The following SLC22A14 variants were observed in gnomAD, a reference collection of about 807,000 sequenced individuals.
SLC22A14 encodes the protein solute carrier family 22 member 14.
A neutral mutation model predicts 53.9 loss-of-function variants in SLC22A14; 50 were observed. The observed-to-expected ratio is 0.93, with a 90% confidence interval of 0.74 to 1.17. The LOEUF (loss-of-function observed/expected upper bound fraction) is 1.17, where lower values mean the gene tolerates loss of function less well. Ranked by LOEUF, SLC22A14 falls within the 50% of genes most tolerant of loss-of-function variation. The probability of loss-of-function intolerance (pLI) is 0.00; values close to 1 mark genes in which losing one functional copy is unlikely to be tolerated. For synonymous variants in SLC22A14, 312 were observed against 303.0 expected, an observed-to-expected ratio of 1.03 and a Z score of -0.31; for missense variants, 671 against 734.7, an observed-to-expected ratio of 0.91 and a Z score of 1.00.
At chr3:38,313,622 T>C in intron 7 of SLC22A14, 105 bp from the exon 8 acceptor site, 1 of 917,156 alleles carries the variant, frequency 1.1e-6, no homozygotes, top group South Asian at 1.4e-5. Flanking sequence ...CTTATTTCTC[T>C]CCTCCGTTCC....
At chr3:38,296,404 G>A (rs182582031) in intron 1 of SLC22A14, among the ~76,000 whole-genome samples, 12 of 150,776 alleles carry the variant, frequency 8.0e-5, no homozygotes, top group East Asian at 2.0e-4. Flanking sequence ...TCTTAAGTCC[G>A]GCAGCCATGC....
rs535224951 is a variant in SLC22A14, at chr3:38,305,626, C to T, written c.1-401C>T. ...GGGCCCACCTCCTGGCTACAGCCGACGATGCAGATCTTTGTTTGTTTTTGA... is the reference window on the plus strand; with the variant it reads ...GGGCCCACCTCCTGGCTACAGCCGATGATGCAGATCTTTGTTTGTTTTTGA... On this transcript the variant is annotated intron_variant, in intron 1 of 10. Transcript: ENST00000448498. 4.1e-5 allele frequency: 7 copies of T among 171,880 alleles called. No individual in the cohort carries two copies. The South Asian group carries it at 4.4e-4, about 11-fold the overall frequency. 10.6% of individuals were successfully genotyped at this position (171,880 alleles called of 1,614,324 possible). A position where few individuals can be genotyped will look rare whatever the true frequency, so the allele number is the denominator to read the frequency against.
At chr3:38,291,684 C>T (rs897569181) in intron 1 of SLC22A14, among the ~76,000 whole-genome samples, 2 of 152,184 alleles carry the variant, frequency 1.3e-5, no homozygotes, top group Middle Eastern at 3.2e-3. Context: ...ACTCCTAGAA[C>T]TATTCCTGTT....
At chr3:38,284,498 G>A (rs886775215) in intron 1 of SLC22A14, among the ~76,000 whole-genome samples, 1 of 152,338 alleles carries the variant, frequency 6.6e-6, no homozygotes, top group Admixed American at 6.5e-5. Flanking sequence ...GCCAAGGCCC[G>A]TCCTCTAAAG....
chr3:38,294,603 A>T (rs1703986348), intron 1 of SLC22A14, among the ~76,000 whole-genome samples: 1 of 152,068 alleles, frequency 6.6e-6, no homozygotes, highest in Non-Finnish European at 1.5e-5. Flanking sequence ...TTTTCTGATG[A>T]GCATTAGTCC....
In SLC22A14 at chr3:38,307,733, C is replaced by T. The variant is rs780991631; in HGVS notation, c.775+13C>T. 3 of 1,613,606 alleles carry T rather than the reference C, an allele frequency of 1.9e-6. No individual in the cohort carries two copies. Among genetic ancestry groups the T allele is most frequent in the South Asian group, 1.1e-5 (1 of 91,030 alleles). Reference sequence around the variant, plus strand: ...AGCATTTCTTTGGGTGAGACTGGGCCTCAATGGGGCAGGGCAGGGTGGCAC... The same window carrying T: ...AGCATTTCTTTGGGTGAGACTGGGCTTCAATGGGGCAGGGCAGGGTGGCAC... On this transcript the variant is annotated intron_variant, in intron 4 of 10. Transcript: ENST00000448498. The surrounding 1 kb of genome is among the most constrained non-coding windows in gnomAD (Gnocchi z 4.4).
chr3:38,313,385 T>TAGTTGC lies in SLC22A14; in HGVS notation c.1066-1_1066insTTGCAG. ...CCTCTGACTGGTCCTGCTTGTTCTG[T>TAGTTGC]AGCTGCAGCTGCCCAGAAAGAAGGT... is the stretch of plus-strand genomic sequence containing the variant. On this transcript the variant is annotated splice_region_variant and splice_polypyrimidine_tract_variant and intron_variant, in intron 6 of 10. Coordinates refer to ENST00000448498, the MANE Select transcript of SLC22A14 (RefSeq NM_001320033.2). The TAGTTGC allele has an allele frequency of 6.2e-7, 1 of 1,610,904 alleles. No individual in the cohort carries two copies. Among genetic ancestry groups the TAGTTGC allele is most frequent in the South Asian group, 1.1e-5 (1 of 91,012 alleles).
Position 38,306,208 on chromosome 3 carries a change from AG to A in SLC22A14, c.183del (p.Glu61AspfsTer9). ...KFANLLDAVG[E>X]FGTFQQRLVA... is the part of the protein sequence containing the mutation. ...GCCAACCTCCTGGATGCGGTGGGGG[AG>A]TTTGGCACATTCCAGCAGAGGCTAG... On this transcript the variant is annotated frameshift_variant, in exon 2 of 11. Transcript: ENST00000448498. LOFTEE classifies it high-confidence loss of function. 1 of 1,614,104 alleles carries A rather than the reference AG, an allele frequency of 6.2e-7. No individual in the cohort carries two copies. The highest frequency in any genetic ancestry group is 8.5e-7 in the Non-Finnish European group (1 of 1,180,002).
intron 10 of SLC22A14, among the ~76,000 whole-genome samples, chr3:38,316,750 T>G (rs1004317365): frequency 2.0e-5 from 3 of 152,240 alleles, no homozygotes; most frequent in African/African-American, 7.2e-5. Flanking sequence ...TGACCCGGAC[T>G]GGGCCATGTC....
chr3:38,294,151 T>C (rs1703973469), intron 1 of SLC22A14, among the ~76,000 whole-genome samples: 1 of 151,582 alleles, frequency 6.6e-6, no homozygotes, highest in African/African-American at 2.4e-5. Context: ...TTTACCCCTT[T>C]GTTTATCTCC....
At chr3:38,301,046 T>C (rs1250259318) in intron 1 of SLC22A14, among the ~76,000 whole-genome samples, 1 of 152,156 alleles carries the variant, frequency 6.6e-6, no homozygotes, top group Non-Finnish European at 1.5e-5. Context: ...CTTGAACTCC[T>C]GGCCTCAGGC....
chr3:38,289,426 AG>A (rs1407600910), intron 1 of SLC22A14, among the ~76,000 whole-genome samples: 1 of 152,070 alleles, frequency 6.6e-6, no homozygotes, highest in African/African-American at 2.4e-5. Flanking sequence ...GTTGTTACCC[AG>A]GGGGTCCTTG....
Position 38,315,714 on chromosome 3 carries a change from A to G in SLC22A14, c.1532+3A>G, listed in dbSNP as rs150983302. ...GAGCTCCTCCCCACTGTGCTCAGGTATGGGGTCTGGTGGGCGAGGGGGCCA... is the reference window on the plus strand; with the variant it reads ...GAGCTCCTCCCCACTGTGCTCAGGTGTGGGGTCTGGTGGGCGAGGGGGCCA... On this transcript the variant is annotated splice_donor_region_variant and intron_variant, in intron 9 of 10. Coordinates refer to ENST00000448498, the MANE Select transcript of SLC22A14 (RefSeq NM_001320033.2). The G allele has an allele frequency of 1.8e-4, 297 of 1,612,512 alleles. 2 individuals carry two copies. In the African/African-American group the frequency reaches 3.0e-3, roughly 16 times the overall value.
At chr3:38,290,587 C>T (rs1012396862) in intron 1 of SLC22A14, among the ~76,000 whole-genome samples, 7 of 152,178 alleles carry the variant, frequency 4.6e-5, no homozygotes, top group African/African-American at 1.4e-4. Flanking sequence ...ATTTGGCCAT[C>T]TGATGGGTGC....
Position 38,307,712 on chromosome 3 carries a change from T to C in SLC22A14, c.767T>C (p.Ile256Thr). The change falls in exon 4 of 11, where the codon ATT (isoleucine) becomes ACT (threonine). Residue 256 changes from isoleucine (I) to threonine (T), a missense_variant. Ile to Thr is a moderately conservative substitution (Grantham distance 89, BLOSUM62 -1). Coordinates refer to ENST00000448498, the MANE Select transcript of SLC22A14 (RefSeq NM_001320033.2). The surrounding 1 kb of genome is among the most constrained non-coding windows in gnomAD (Gnocchi z 4.4). ...QSVVGYAISS[I>T]SLATEWLVGE... ...GTGGTGGGCTACGCCATCAGCAGCA[T>C]TTCTTTGGGTGAGACTGGGCCTCAA... The C allele has an allele frequency of 6.2e-7, 1 of 1,614,052 alleles. No individual in the cohort carries two copies. Among genetic ancestry groups the C allele is most frequent in the South Asian group, 1.1e-5 (1 of 91,076 alleles).
chr3:38,300,554 T>C (rs1046125896), intron 1 of SLC22A14, among the ~76,000 whole-genome samples: 4 of 152,178 alleles, frequency 2.6e-5, no homozygotes, highest in African/African-American at 9.7e-5. Context: ...CTGGGTACCA[T>C]CTTTCCATCT....
At chr3:38,306,896 G>A (rs936401699) in intron 2 of SLC22A14, among the ~76,000 whole-genome samples, 1 of 152,212 alleles carries the variant, frequency 6.6e-6, no homozygotes, top group South Asian at 2.1e-4. Context: ...AACCCGAGCT[G>A]CAATCTAGGC....
intron 1 of SLC22A14, among the ~76,000 whole-genome samples, chr3:38,292,312 C>G (rs1703930091): frequency 6.6e-6 from 1 of 152,120 alleles, no homozygotes; most frequent in Non-Finnish European, 1.5e-5. Context: ...CAAAGGCAAA[C>G]AAGAATTGAG....
chr3:38,315,729 C>G lies in SLC22A14; in HGVS notation c.1532+18C>G, dbSNP rs368692316. On this transcript the variant is annotated intron_variant, in intron 9 of 10. Coordinates refer to ENST00000448498, the MANE Select transcript of SLC22A14 (RefSeq NM_001320033.2). ...GTGCTCAGGTATGGGGTCTGGTGGG[C>G]GAGGGGGCCATGGGGACATGCGCAG... 22 of 1,607,332 alleles carry G rather than the reference C, an allele frequency of 1.4e-5. No individual in the cohort carries two copies. Among genetic ancestry groups the G allele is most frequent in the Admixed American group, 5.0e-5 (3 of 59,686 alleles).
Sources: gnomAD v4.1 joint callset for allele counts (sites outside exome capture counted in the v4.1 genomes callset) on GRCh38, gnomAD v4.1.1 for gene constraint, Gnocchi (gnomAD v3.1) non-coding constraint, MANE v1.5 for transcripts, NCBI Gene and HGNC (gene_info 2026-07-23, HGNC 2026-07-21) for gene names.